Variants in CTNNA2 observed in about 807,000 individuals in gnomAD.
The protein encoded by CTNNA2 is catenin alpha 2.
Under a neutral mutation model 101.0 loss-of-function variants are expected in CTNNA2, and 42 were observed. The ratio of observed to expected loss-of-function variants is 0.42; its 90% confidence interval spans 0.32 to 0.54. CTNNA2 has a LOEUF of 0.54. CTNNA2 is among the 20% of genes least tolerant of loss of function. The probability of loss-of-function intolerance (pLI) is 0.14; values close to 1 mark genes in which losing one functional copy is unlikely to be tolerated. For synonymous variants in CTNNA2, 450 were observed against 456.4 expected, an observed-to-expected ratio of 0.99 and a Z score of 0.18; for missense variants, 871 against 1,223.1, an observed-to-expected ratio of 0.71 and a Z score of 4.29.
chr2:79,389,318 C>G (rs1678140799), intron 4 of CTNNA2, among the ~76,000 whole-genome samples: 1 of 152,126 alleles, frequency 6.6e-6, no homozygotes, highest in South Asian at 2.1e-4. Context: ...GGGCTGTTTG[C>G]AGCCTGAATG....
intron 7 of CTNNA2, among the ~76,000 whole-genome samples, chr2:80,013,782 CTACT>C (rs2104041167): frequency 6.6e-6 from 1 of 152,294 alleles, no homozygotes; most frequent in Non-Finnish European, 1.5e-5. Context: ...TTCCAGCATC[CTACT>C]TACTTATGAA....
intron 4 of CTNNA2, among the ~76,000 whole-genome samples, chr2:79,455,899 G>C (rs1049696732): frequency 6.6e-6 from 1 of 151,804 alleles, no homozygotes; most frequent in Non-Finnish European, 1.5e-5. Flanking sequence ...ATTTTTTTAG[G>C]GATAATATCC....
chr2:80,300,146 C>G (rs959831072), intron 7 of CTNNA2, among the ~76,000 whole-genome samples: 6 of 152,074 alleles, frequency 3.9e-5, no homozygotes, highest in Admixed American at 3.3e-4. Flanking sequence ...AGTTATCAAA[C>G]AAAGCACCTC....
chr2:79,825,514 A>G (rs778167530), intron 3 of CTNNA2, among the ~76,000 whole-genome samples: 4 of 152,168 alleles, frequency 2.6e-5, no homozygotes, highest in Non-Finnish European at 5.9e-5. Flanking sequence ...GAGCATCTAA[A>G]GGGGATAGTG....
intron 13 of CTNNA2, chr2:80,575,435 G>A (rs1042913258): frequency 6.6e-6 from 1 of 152,128 alleles, no homozygotes; most frequent in East Asian, 1.9e-4. Context: ...GTGTGTGCGT[G>A]TATGTGTGTG....
chr2:79,711,747 G>A (rs1196889177), intron 2 of CTNNA2, among the ~76,000 whole-genome samples: 1 of 152,062 alleles, frequency 6.6e-6, no homozygotes, highest in Non-Finnish European at 1.5e-5. Flanking sequence ...TGCTTTGTTG[G>A]CTGTATAGTT....
At position 80,067,372 on chromosome 2, in the gene CTNNA2, ACAT is replaced by A. The variant is rs1258441308; in HGVS notation, c.1056+157579_1056+157581del. Among the ~76,000 whole-genome samples the A allele has an allele frequency of 2.0e-5, 3 of 152,250 alleles. No homozygotes were observed. The South Asian group carries it at 6.2e-4, about 32-fold the overall frequency. On this transcript the variant is annotated intron_variant, in intron 7 of 18. Transcript: ENST00000402739. ...ATGTTTTATATATATATATTTCAAA[ACAT>A]CATGTTTTGAATATAAACATGTTTT... is the stretch of plus-strand genomic sequence containing the variant.
intron 2 of CTNNA2, among the ~76,000 whole-genome samples, chr2:79,243,883 A>G (rs1674665270): frequency 6.6e-6 from 1 of 152,218 alleles, no homozygotes; most frequent in South Asian, 2.1e-4. Context: ...TTTTTGCAAC[A>G]GGAAATTTGT....
intron 7 of CTNNA2, among the ~76,000 whole-genome samples, chr2:80,349,556 C>CT (rs534326726): frequency 2.4e-4 from 37 of 151,376 alleles, no homozygotes; most frequent in East Asian, 5.8e-4. Flanking sequence ...TCCCACCTTC[C>CT]TTTTTTTTTC....
At chr2:80,067,724 C>T (rs542977298) in intron 7 of CTNNA2, among the ~76,000 whole-genome samples, 34 of 152,226 alleles carry the variant, frequency 2.2e-4, no homozygotes, top group African/African-American at 5.3e-4. Flanking sequence ...AAAGACATCG[C>T]GGCTTTCTCC....
intron 7 of CTNNA2, among the ~76,000 whole-genome samples, chr2:80,278,508 C>A (rs983196300): frequency 6.6e-6 from 1 of 152,012 alleles, no homozygotes; most frequent in African/African-American, 2.4e-5. Context: ...TCAGCCTGGG[C>A]TAGTTCACAT....
chr2:79,531,736 C>T (rs1672757627), intron 1 of CTNNA2, among the ~76,000 whole-genome samples: 1 of 150,944 alleles, frequency 6.6e-6, no homozygotes, highest in East Asian at 1.9e-4. Flanking sequence ...GGCTGGAGTG[C>T]AATGGCATGA....
intron 12 of CTNNA2, among the ~76,000 whole-genome samples, chr2:80,573,944 A>G (rs1397119180): frequency 6.6e-6 from 1 of 152,140 alleles, no homozygotes; most frequent in Non-Finnish European, 1.5e-5. Flanking sequence ...GCAAACCATC[A>G]CCATGCATAG....
chr2:79,474,413 G>A (rs1671030974), intron 4 of CTNNA2, among the ~76,000 whole-genome samples: 1 of 152,106 alleles, frequency 6.6e-6, no homozygotes, highest in Non-Finnish European at 1.5e-5. Flanking sequence ...GACTGCATAT[G>A]ACATGGTTTC....
chr2:79,496,572 T>C (rs1671258061), intron 4 of CTNNA2, among the ~76,000 whole-genome samples: 1 of 152,096 alleles, frequency 6.6e-6, no homozygotes. Context: ...CAGAATATCT[T>C]CCATTTTGGG....
chr2:80,449,288 T>TAAATAAAC (rs1683306120), intron 9 of CTNNA2, among the ~76,000 whole-genome samples: 1 of 41,780 alleles, frequency 2.4e-5, no homozygotes, highest in South Asian at 1.1e-3. Flanking sequence ...TCTCTAAAAT[T>TAAATAAAC]AAATAAATAA....
chr2:80,530,323 C>T (rs186599213), intron 9 of CTNNA2, among the ~76,000 whole-genome samples: 2 of 152,086 alleles, frequency 1.3e-5, no homozygotes, highest in East Asian at 3.9e-4. Context: ...CAATTGCAGC[C>T]CTCAGTAGCA....
chr2:79,508,421 T>C (rs10186009), upstream of CTNNA2, among the ~76,000 whole-genome samples: 3,468 of 152,200 alleles, frequency 0.023, 164 homozygotes, highest in East Asian at 0.19. Context: ...CAGACAGCAG[T>C]CTCGGCTTTC....
chr2:80,197,568 C>T (rs1328686236), intron 7 of CTNNA2, among the ~76,000 whole-genome samples: 5 of 152,034 alleles, frequency 3.3e-5, no homozygotes, highest in African/African-American at 7.2e-5. Context: ...AATTATGTTC[C>T]GAATCTTTTT....
Sources: allele counts gnomAD v4.1 joint callset (sites outside exome capture counted in the v4.1 genomes callset), GRCh38; gene constraint gnomAD v4.1.1; transcripts MANE v1.5; gene names NCBI Gene and HGNC (gene_info 2026-07-23, HGNC 2026-07-21).